SPATA6: variants seen among roughly 807,000 people sequenced by gnomAD.
SPATA6 encodes the protein spermatogenesis associated 6, also known as spermatogenesis-associated protein 6.
SPATA6 carries 56 observed loss-of-function variants against 65.3 expected under a neutral mutation model. That is an observed-to-expected ratio of 0.86 (90% CI 0.69 to 1.07). The LOEUF (loss-of-function observed/expected upper bound fraction) is 1.07, where lower values mean the gene tolerates loss of function less well. Ranked by LOEUF, SPATA6 falls within the 50% of genes least tolerant of loss-of-function variation. The pLI is 0.00. For missense variants in SPATA6, 590 were observed against 594.8 expected, an observed-to-expected ratio of 0.99 and a Z score of 0.08; for synonymous variants, 199 against 213.2, an observed-to-expected ratio of 0.93 and a Z score of 0.58.
In SPATA6 at chr1:48,471,824, G is replaced by C. The variant is rs1384951683; in HGVS notation, c.51+134C>G. On this transcript the variant is annotated intron_variant, in intron 1 of 12. Coordinates refer to ENST00000371847, the MANE Select transcript of SPATA6 (RefSeq NM_019073.4). ...GAGAACAAGATGGGGCAGGACCGAA[G>C]GGGCGTGAGGTCGACGCTCCCTAGG... The C allele has an allele frequency of 1.6e-5, 17 of 1,039,134 alleles. No individual in the cohort carries two copies. In the Admixed American group the frequency reaches 3.4e-4, roughly 21 times the overall value. The allele number at this position is 1,039,134 out of a possible 1,614,324, so 64.4% of individuals were successfully genotyped here. A position where few individuals can be genotyped will look rare whatever the true frequency, so the allele number is the denominator to read the frequency against.
chr1:48,325,849 T>C (rs1031225065), intron 11 of SPATA6: 1 of 397,634 alleles, frequency 2.5e-6, no homozygotes, highest in African/African-American at 2.1e-5. Flanking sequence ...GAAAGTGCTG[T>C]GTGTACTGTT....
intron 3 of SPATA6, chr1:48,437,199 A>C: frequency 6.2e-7 from 1 of 1,612,128 alleles, no homozygotes; most frequent in Non-Finnish European, 8.5e-7. Flanking sequence ...TTCCTGATGA[A>C]AAAGACTCAT....
chr1:48,356,574 C>T (rs183052612), intron 10 of SPATA6, among the ~76,000 whole-genome samples: 2 of 140,332 alleles, frequency 1.4e-5, no homozygotes, highest in African/African-American at 2.7e-5. Context: ...AGTGCAATGG[C>T]GCGACCTTGG....
At chr1:48,455,491 TCC>T (rs1357043399) in intron 1 of SPATA6, among the ~76,000 whole-genome samples, 5 of 151,682 alleles carry the variant, frequency 3.3e-5, no homozygotes, top group African/African-American at 1.2e-4. Context: ...CCCGCCATTC[TCC>T]TACCTCAGCC....
At chr1:48,390,558 G>A (rs2147889303) in intron 8 of SPATA6, among the ~76,000 whole-genome samples, 1 of 152,164 alleles carries the variant, frequency 6.6e-6, no homozygotes, top group East Asian at 1.9e-4. Flanking sequence ...CTGGAAGACA[G>A]GACTTAAATT....
intron 1 of SPATA6, among the ~76,000 whole-genome samples, chr1:48,457,080 T>C (rs1051984046): frequency 8.8e-5 from 13 of 147,590 alleles, no homozygotes; most frequent in Non-Finnish European, 4.5e-5. Flanking sequence ...AAAAAAAAAA[T>C]TTAAAACTTT....
At chr1:48,418,917 G>A (rs57603629) in intron 3 of SPATA6, among the ~76,000 whole-genome samples, 2,199 of 150,652 alleles carry the variant, frequency 0.015, 54 homozygotes, top group African/African-American at 0.051. Context: ...AAGAGGAAAG[G>A]GAAAGGGAAG....
In SPATA6 at chr1:48,325,603, G is replaced by C; in HGVS notation, c.1195-19725C>G. The C allele has an allele frequency of 7.3e-6, 6 of 826,196 alleles. No homozygotes were observed. The South Asian group carries it at 8.1e-5, about 11-fold the overall frequency. 51.2% of individuals were successfully genotyped at this position (826,196 alleles called of 1,614,324 possible). A position where few individuals can be genotyped will look rare whatever the true frequency, so the allele number is the denominator to read the frequency against. ...CAATGGTAAAGGTGGAAATCCACTT[G>C]TTGTGGGCAGTGTTGAACTATGTCA... On this transcript the variant is annotated intron_variant, in intron 11 of 12. Coordinates refer to ENST00000371847, the MANE Select transcript of SPATA6 (RefSeq NM_019073.4).
chr1:48,276,952 T>C, the SPATA6 span, among the ~76,000 whole-genome samples: 350 of 152,258 alleles, frequency 2.3e-3, 1 homozygote, highest in African/African-American at 7.7e-3. Flanking sequence ...TATTATTGTG[T>C]GGAAGTCTAA....
At chr1:48,367,752 T>C (rs1413774547) in intron 9 of SPATA6, among the ~76,000 whole-genome samples, 1 of 152,328 alleles carries the variant, frequency 6.6e-6, no homozygotes, top group East Asian at 1.9e-4. Context: ...CTTTATCCAA[T>C]TTGCCAGTCT....
downstream of SPATA6, among the ~76,000 whole-genome samples, chr1:48,294,500 T>A: frequency 6.6e-6 from 1 of 152,232 alleles, no homozygotes; most frequent in East Asian, 1.9e-4. Context: ...TGGTCACATA[T>A]AAATTAGGAG....
intron 1 of SPATA6, among the ~76,000 whole-genome samples, chr1:48,453,951 A>G (rs927157874): frequency 7.4e-5 from 11 of 149,180 alleles, no homozygotes; most frequent in African/African-American, 1.8e-4. Flanking sequence ...TTTTAGGGGG[A>G]AAAAAAAGAC....
chr1:48,453,559 T>A (rs1024418887), intron 1 of SPATA6, among the ~76,000 whole-genome samples: 1 of 152,236 alleles, frequency 6.6e-6, no homozygotes, highest in Non-Finnish European at 1.5e-5. Context: ...CAAATCTGAC[T>A]TCTATCACCC....
At chr1:48,388,068 C>A (rs560671524) in intron 8 of SPATA6, among the ~76,000 whole-genome samples, 4 of 152,150 alleles carry the variant, frequency 2.6e-5, no homozygotes, top group Non-Finnish European at 4.4e-5. Context: ...CCAGTGCACA[C>A]CACTCTGGAG....
chr1:48,285,245 A>C, the SPATA6 span, among the ~76,000 whole-genome samples: 5 of 152,052 alleles, frequency 3.3e-5, no homozygotes, highest in African/African-American at 1.2e-4. Context: ...AAAACTGCCT[A>C]CTCAAGCCTC....
At chr1:48,442,739 A>AAC (rs1655637544) in intron 3 of SPATA6, among the ~76,000 whole-genome samples, 1 of 150,488 alleles carries the variant, frequency 6.6e-6, no homozygotes, top group Non-Finnish European at 1.5e-5. Context: ...AAAAAAAAAA[A>AAC]AAAAAACAGT....
chr1:48,468,086 T>C (rs72897236), intron 1 of SPATA6, among the ~76,000 whole-genome samples: 2,240 of 152,256 alleles, frequency 0.015, 53 homozygotes, highest in African/African-American at 0.051. Context: ...AGGAAATTAG[T>C]ATATGGAAGA....
chr1:48,347,170 CAACT>C (rs1197791355), intron 11 of SPATA6, among the ~76,000 whole-genome samples: 1 of 151,790 alleles, frequency 6.6e-6, no homozygotes, highest in East Asian at 1.9e-4. Context: ...CACACACCTA[CAACT>C]AACTGATTTT....
chr1:48,358,881 A>T (rs895951756), intron 10 of SPATA6, among the ~76,000 whole-genome samples: 12 of 152,198 alleles, frequency 7.9e-5, no homozygotes, highest in Non-Finnish European at 4.4e-5. Flanking sequence ...TGTTTAAAAT[A>T]GGTTTGTTTT....
Sources: allele counts gnomAD v4.1 joint callset (sites outside exome capture counted in the v4.1 genomes callset), GRCh38; gene constraint gnomAD v4.1.1; transcripts MANE v1.5; gene names NCBI Gene and HGNC (gene_info 2026-07-23, HGNC 2026-07-21).